The following LSAMP variants were observed in gnomAD, a reference collection of about 807,000 sequenced individuals.
LSAMP encodes limbic system-associated membrane protein.
A neutral mutation model predicts 38.6 loss-of-function variants in LSAMP; 7 were observed. That is an observed-to-expected ratio of 0.18 (90% CI 0.10 to 0.34). The LOEUF is 0.34. LSAMP is among the 10% of genes least tolerant of loss of function. LSAMP has a pLI of 1.00. For synonymous variants in LSAMP, 154 were observed against 166.8 expected (o/e 0.92, Z 0.59); for missense variants, 313 against 420.0 (o/e 0.75, Z 2.23).
intron 2 of LSAMP, among the ~76,000 whole-genome samples, chr3:116,056,620 A>C (rs972777486): frequency 6.6e-6 from 1 of 152,160 alleles, no homozygotes; most frequent in Non-Finnish European, 1.5e-5. Flanking sequence ...ATTTTTAATA[A>C]CAAAGGCATC....
At chr3:116,167,800 T>G (rs1467307658) in intron 1 of LSAMP, among the ~76,000 whole-genome samples, 1 of 152,246 alleles carries the variant, frequency 6.6e-6, no homozygotes, top group Non-Finnish European at 1.5e-5. Flanking sequence ...AGGGTTATTA[T>G]GTACTGCCAA....
At chr3:115,880,789 T>C (rs902055416) in intron 3 of LSAMP, among the ~76,000 whole-genome samples, 2 of 152,088 alleles carry the variant, frequency 1.3e-5, no homozygotes, top group African/African-American at 4.8e-5. Flanking sequence ...CCCAGCACTT[T>C]GGGAGGCTGA....
chr3:116,126,600 G>C (rs1709013816), intron 1 of LSAMP, among the ~76,000 whole-genome samples: 12 of 152,122 alleles, frequency 7.9e-5, no homozygotes, highest in Admixed American at 7.9e-4. Flanking sequence ...AGTGGCTCAT[G>C]CATGTAATCC....
chr3:115,979,886 T>C (rs1212461099), intron 3 of LSAMP, among the ~76,000 whole-genome samples: 1 of 152,164 alleles, frequency 6.6e-6, no homozygotes, highest in Non-Finnish European at 1.5e-5. Flanking sequence ...AAATAGGTTT[T>C]GGACAGATTG....
intron 3 of LSAMP, among the ~76,000 whole-genome samples, chr3:115,908,153 T>G (rs1369036102): frequency 6.6e-6 from 1 of 152,076 alleles, no homozygotes; most frequent in African/African-American, 2.4e-5. Flanking sequence ...CTACTTTTAT[T>G]TATGCCGTTT....
intron 3 of LSAMP, among the ~76,000 whole-genome samples, chr3:115,899,502 A>G (rs1176300537): frequency 3.9e-5 from 6 of 152,302 alleles, no homozygotes; most frequent in Non-Finnish European, 1.5e-5. Flanking sequence ...AAGAGCTGTG[A>G]TTACCCTTGT....
chr3:115,898,272 TA>T (rs1335476685), intron 3 of LSAMP, among the ~76,000 whole-genome samples: 3 of 152,140 alleles, frequency 2.0e-5, no homozygotes, highest in African/African-American at 7.2e-5. Flanking sequence ...TAGGAGTTCC[TA>T]AAACCTTTCA....
chr3:116,403,350 A>G (rs1236012498), intron 1 of LSAMP, among the ~76,000 whole-genome samples: 2 of 152,226 alleles, frequency 1.3e-5, no homozygotes, highest in African/African-American at 2.4e-5. Context: ...TTCTATTTCC[A>G]TAAAAATCAC....
At chr3:116,418,284 G>A (rs2107850668) in intron 1 of LSAMP, among the ~76,000 whole-genome samples, 1 of 152,220 alleles carries the variant, frequency 6.6e-6, no homozygotes, top group South Asian at 2.1e-4. Context: ...CAGCAAAAAT[G>A]GTCTATTAGA....
In LSAMP at chr3:116,270,288, A is replaced by G. The variant is rs140690029; in HGVS notation, c.155+174589T>C. ...AAAAGACTGCTGCTGTACAACAGGA[A>G]AAGTCAATTCCCCTTCCAGTTAACA... On this transcript the variant is annotated intron_variant, in intron 1 of 6. Coordinates refer to ENST00000490035, the MANE Select transcript of LSAMP (RefSeq NM_002338.5). 3.9e-4 allele frequency among the ~76,000 whole-genome samples: 60 copies of G among 152,212 alleles called. No individual in the cohort carries two copies. The East Asian group carries it at 9.7e-3, about 25-fold the overall frequency.
chr3:116,425,056 C>A (rs984841739), intron 1 of LSAMP, among the ~76,000 whole-genome samples: 1 of 151,218 alleles, frequency 6.6e-6, no homozygotes, highest in Non-Finnish European at 1.5e-5. Context: ...GTCTACCGTG[C>A]AGGGGCTGGG....
At chr3:116,086,032 C>T (rs751515357) in intron 2 of LSAMP, among the ~76,000 whole-genome samples, 20 of 152,100 alleles carry the variant, frequency 1.3e-4, no homozygotes, top group Non-Finnish European at 2.8e-4. Context: ...TTCTGGTATC[C>T]CTGATTTACA....
intron 1 of LSAMP, among the ~76,000 whole-genome samples, chr3:116,102,377 C>T (rs9857520): frequency 0.15 from 23,060 of 152,094 alleles, 1,922 homozygotes; most frequent in Non-Finnish European, 0.19. Context: ...AAAGAAAAAA[C>T]TTAGAATGAG....
At chr3:116,294,797 C>T (rs146814328) in intron 1 of LSAMP, among the ~76,000 whole-genome samples, 202 of 152,024 alleles carry the variant, frequency 1.3e-3, no homozygotes, top group African/African-American at 4.4e-3. Context: ...AGGTAACCTG[C>T]ACTTAACTTT....
At chr3:116,312,409 C>T (rs959844579) in intron 1 of LSAMP, among the ~76,000 whole-genome samples, 2 of 152,152 alleles carry the variant, frequency 1.3e-5, no homozygotes, top group African/African-American at 4.8e-5. Flanking sequence ...TTCTGAGCAC[C>T]TTTAACAGAG....
At chr3:115,902,756 G>A (rs1173085875) in intron 3 of LSAMP, among the ~76,000 whole-genome samples, 1 of 152,032 alleles carries the variant, frequency 6.6e-6, no homozygotes, top group African/African-American at 2.4e-5. Flanking sequence ...CAACATCATT[G>A]GTCATCAGAG....
Position 116,438,287 on chromosome 3 carries a change from G to A in LSAMP, c.155+6590C>T, listed in dbSNP as rs545955451. On this transcript the variant is annotated intron_variant, in intron 1 of 6. Coordinates refer to ENST00000490035, the MANE Select transcript of LSAMP (RefSeq NM_002338.5). ...TAAATATATGACTATAGTCTTAAGA[G>A]TTTATAGTTTATACCATTATAGAGT... Among the ~76,000 whole-genome samples the A allele has an allele frequency of 2.0e-5, 3 of 152,156 alleles. No homozygotes were observed. The East Asian group carries it at 5.8e-4, about 29-fold the overall frequency.
intron 3 of LSAMP, among the ~76,000 whole-genome samples, chr3:115,964,615 G>A (rs190591357): frequency 2.6e-5 from 4 of 152,148 alleles, no homozygotes; most frequent in East Asian, 1.9e-4. Context: ...TTCATTATGC[G>A]CAGATGATAA....
chr3:116,233,059 T>A (rs2046422862), intron 1 of LSAMP, among the ~76,000 whole-genome samples: 1 of 152,178 alleles, frequency 6.6e-6, no homozygotes, highest in Non-Finnish European at 1.5e-5. Flanking sequence ...TCGCTGCCTT[T>A]AATTATTCTT....
Sources: allele counts gnomAD v4.1 joint callset (sites outside exome capture counted in the v4.1 genomes callset), GRCh38; gene constraint gnomAD v4.1.1; transcripts MANE v1.5; gene names NCBI Gene and HGNC (gene_info 2026-07-23, HGNC 2026-07-21).